SNX27: variants seen among roughly 807,000 people sequenced by gnomAD.
The protein encoded by SNX27 is sorting nexin 27.
A neutral mutation model predicts 71.6 loss-of-function variants in SNX27; 22 were observed. The ratio of observed to expected loss-of-function variants is 0.31; its 90% CI spans 0.22 to 0.44. The LOEUF (loss-of-function observed/expected upper bound fraction) is 0.44, where lower values mean the gene tolerates loss of function less well. Ranked by LOEUF, SNX27 falls within the 20% of genes least tolerant of loss-of-function variation. The pLI is 1.00. For synonymous variants in SNX27, 269 were observed against 277.2 expected (o/e 0.97, Z 0.29); for missense variants, 531 against 698.6 (o/e 0.76, Z 2.70).
At chr1:151,635,530 A>G (rs1277176228) in intron 1 of SNX27, among the ~76,000 whole-genome samples, 1 of 152,220 alleles carries the variant, frequency 6.6e-6, no homozygotes, top group Non-Finnish European at 1.5e-5. Flanking sequence ...TGAGTCTGGT[A>G]TAGTAGCCTT....
At chr1:151,684,631 G>T (rs1031636759) in intron 8 of SNX27, among the ~76,000 whole-genome samples, 3 of 152,084 alleles carry the variant, frequency 2.0e-5, no homozygotes, top group African/African-American at 7.2e-5. Flanking sequence ...TTACGATGGG[G>T]TTACATCCCA....
chr1:151,677,146 A>G (rs1389689933), intron 7 of SNX27: 1 of 152,098 alleles, frequency 6.6e-6, no homozygotes, highest in Non-Finnish European at 1.5e-5. Flanking sequence ...ATTTCATAAC[A>G]CTTTATAAAG....
At chr1:151,673,830 T>C (rs1670548279) in intron 7 of SNX27, among the ~76,000 whole-genome samples, 1 of 152,210 alleles carries the variant, frequency 6.6e-6, no homozygotes, top group South Asian at 2.1e-4. Flanking sequence ...TTACAATCTA[T>C]TTTGTCTGAT....
At position 151,612,435 on chromosome 1, in the gene SNX27, G is replaced by A. The variant is rs763585979; in HGVS notation, c.234G>A (p.Leu78=). 45 of 1,468,554 alleles carry A rather than the reference G, an allele frequency of 3.1e-5. No individual in the cohort carries two copies. Among genetic ancestry groups the A allele is most frequent in the Admixed American group, 5.2e-5 (2 of 38,684 alleles). The allele number at this position is 1,468,554 out of a possible 1,614,324, so 91.0% of individuals were successfully genotyped here. The change falls in exon 1 of 12, where the codon CTG becomes CTA. Residue 78 remains leucine (L), a synonymous_variant. Coordinates refer to ENST00000458013, the MANE Select transcript of SNX27 (RefSeq NM_001330723.2). This position sits in a 1 kb window ranked among gnomAD's most constrained non-coding sequence, Gnocchi z 5.2. ...TCAACGGGGAGCTGTACGCGCCGCT[G>A]CAGCATGTGAGCGCCGTGCTGCCCG... ...RSINGELYAP[L]QHVSAVLPGG...
intron 2 of SNX27, 28 bp downstream of exon 2, chr1:151,639,147 A>AACATCTAGCTTT: frequency 6.3e-7 from 1 of 1,578,966 alleles, no homozygotes; most frequent in Non-Finnish European, 8.7e-7. Context: ...TCGATCCTCG[A>AACATCTAGCTTT]ACATCTAGCT....
intron 7 of SNX27, among the ~76,000 whole-genome samples, chr1:151,674,188 T>G (rs1670564378): frequency 6.6e-6 from 1 of 152,076 alleles, no homozygotes; most frequent in African/African-American, 2.4e-5. Context: ...GTTTCTTACT[T>G]TTTATTTTTT....
rs536888602 is a variant in SNX27 at position 151,674,899 on chromosome 1, G to C, written c.1149+6264G>C. ...GACGGGGTTTCACCATGTTGGCCAG[G>C]ATGGTCTTGATCTCTTGACCTTGTG... is the stretch of plus-strand genomic sequence containing the variant. On this transcript the variant is annotated intron_variant, in intron 7 of 11. Coordinates refer to ENST00000458013, the MANE Select transcript of SNX27 (RefSeq NM_001330723.2). Among the ~76,000 whole-genome samples the C allele has an allele frequency of 9.9e-5, 15 of 151,452 alleles. No homozygotes were observed. In the South Asian group the frequency reaches 2.7e-3, roughly 27 times the overall value.
intron 1 of SNX27, among the ~76,000 whole-genome samples, chr1:151,630,080 C>T (rs1186219209): frequency 6.7e-6 from 1 of 149,998 alleles, no homozygotes; most frequent in Non-Finnish European, 1.5e-5. Context: ...CACTGCACTC[C>T]AGCCTGGGCG....
At chr1:151,633,373 A>G (rs1250615535) in intron 1 of SNX27, among the ~76,000 whole-genome samples, 1 of 152,042 alleles carries the variant, frequency 6.6e-6, no homozygotes, top group Non-Finnish European at 1.5e-5. Context: ...ATCTTGGCTC[A>G]CTACAGCCTT....
intron 2 of SNX27, among the ~76,000 whole-genome samples, chr1:151,654,056 C>T (rs1042976123): frequency 6.6e-6 from 1 of 152,092 alleles, no homozygotes; most frequent in Admixed American, 6.5e-5. Flanking sequence ...TAGTCTTGAT[C>T]TTTTGACCTC....
At chr1:151,614,824 A>T (rs952967537) in intron 1 of SNX27, among the ~76,000 whole-genome samples, 1 of 152,254 alleles carries the variant, frequency 6.6e-6, no homozygotes, top group East Asian at 1.9e-4. Context: ...TCTTCACAGG[A>T]TCTAAAGGAA....
intron 1 of SNX27, among the ~76,000 whole-genome samples, chr1:151,615,151 C>G (rs1667370521): frequency 6.6e-6 from 1 of 152,202 alleles, no homozygotes; most frequent in Non-Finnish European, 1.5e-5. Context: ...GAAAAGAATA[C>G]TCTGCCTAGA....
At position 151,695,058 on chromosome 1, in the gene SNX27, T is replaced by C. The variant is rs1671639017; in HGVS notation, c.*641T>C. On this transcript the variant is annotated 3_prime_UTR_variant, in exon 12 of 12. Coordinates refer to ENST00000458013, the MANE Select transcript of SNX27 (RefSeq NM_001330723.2). ...TTGGATTTTTGCCCCTTTTTTTGTA[T>C]TGAGTATAGATTCCGGCTCATGGGT... 6.6e-6 allele frequency: 1 copy of C among 152,634 alleles called. No individual in the cohort carries two copies. The highest frequency in any genetic ancestry group is 1.5e-5 in the Non-Finnish European group (1 of 68,052). The allele number at this position is 152,634 out of a possible 1,614,324, so 9.5% of individuals were successfully genotyped here. A position where few individuals can be genotyped will look rare whatever the true frequency, so the allele number is the denominator to read the frequency against.
chr1:151,634,508 C>G (rs1050632954), intron 1 of SNX27, among the ~76,000 whole-genome samples: 7 of 152,194 alleles, frequency 4.6e-5, no homozygotes, highest in Non-Finnish European at 8.8e-5. Context: ...GTTTCCCTAG[C>G]TGGCCAACTT....
At chr1:151,665,876 C>G in intron 5 of SNX27, 57 bp from the exon 6 acceptor site, 1 of 1,434,330 alleles carries the variant, frequency 7.0e-7, no homozygotes. Context: ...CCTGCTTTTT[C>G]CTACAGCATT....
intron 2 of SNX27, among the ~76,000 whole-genome samples, chr1:151,644,803 G>T (rs1480324113): frequency 6.6e-6 from 1 of 151,864 alleles, no homozygotes; most frequent in Non-Finnish European, 1.5e-5. Flanking sequence ...TGATATAAAG[G>T]TCAAGGTTTT....
chr1:151,668,379 A>G (rs756634249), intron 6 of SNX27, 93 bp from the exon 7 acceptor site: 26 of 1,171,272 alleles, frequency 2.2e-5, no homozygotes, highest in Non-Finnish European at 2.9e-5. Context: ...GTTAATGATA[A>G]CATACCATTC....
chr1:151,623,990 ATCACTCTT>A (rs1248563010), intron 1 of SNX27, among the ~76,000 whole-genome samples: 1 of 152,130 alleles, frequency 6.6e-6, no homozygotes, highest in Non-Finnish European at 1.5e-5. Flanking sequence ...GAGACAAGGT[ATCACTCTT>A]TCACCCATGC....
At chr1:151,636,374 C>T (rs1356761712) in intron 1 of SNX27, among the ~76,000 whole-genome samples, 1 of 152,066 alleles carries the variant, frequency 6.6e-6, no homozygotes, top group Non-Finnish European at 1.5e-5. Flanking sequence ...TGATCTAGCT[C>T]ACTGCAGCCT....
Sources: allele counts gnomAD v4.1 joint callset (sites outside exome capture counted in the v4.1 genomes callset), GRCh38; gene constraint gnomAD v4.1.1; non-coding constraint Gnocchi (gnomAD v3.1); transcripts MANE v1.5; gene names NCBI Gene and HGNC (gene_info 2026-07-23, HGNC 2026-07-21).